The following ECT2L variants were observed in gnomAD, a reference collection of about 807,000 sequenced individuals.
ECT2L encodes epithelial cell-transforming sequence 2 oncogene-like.
In ECT2L, 126 loss-of-function variants were observed where a neutral mutation model predicts 122.8. The observed-to-expected ratio is 1.03, with a 90% CI of 0.89 to 1.19. The LOEUF (loss-of-function observed/expected upper bound fraction) is 1.19. Ranked by LOEUF, ECT2L falls within the 50% of genes most tolerant of loss-of-function variation. ECT2L has a pLI of 0.00. For missense variants in ECT2L, 1,012 were observed against 1,064.1 expected (o/e 0.95, Z 0.68); for synonymous variants, 385 against 381.8 (o/e 1.01, Z -0.10).
intron 20 of ECT2L, among the ~76,000 whole-genome samples, chr6:138,889,592 T>C (rs1279706218): frequency 6.6e-6 from 1 of 152,200 alleles, no homozygotes; most frequent in Non-Finnish European, 1.5e-5. Context: ...AGTGCTGGGA[T>C]TACAGGCATG....
Position 138,881,114 on chromosome 6 carries a change from G to A in ECT2L, c.1823G>A (p.Ser608Asn). Residue 608 changes from serine to asparagine, a missense_variant, in exon 15 of 22, where the codon AGT (serine) becomes AAT (asparagine). By Grantham distance (46) the Ser-to-Asn change is conservative (BLOSUM62 1). Coordinates refer to ENST00000541398, the MANE Select transcript of ECT2L (RefSeq NM_001077706.3). The stretch of plus-strand genomic sequence containing the variant: ...TTGTCATCAAACAGAGCGATTCTGA[G>A]TGCTGCCAATATCCAGATCATTTTC... ...AALSSNRAILSAANIQIIFCD... is the reference protein window; with the variant it reads ...AALSSNRAILNAANIQIIFCD... 1.2e-6 allele frequency: 2 copies of A among 1,614,166 alleles called. No homozygotes were observed. The highest frequency in any genetic ancestry group is 2.2e-5 in the South Asian group (2 of 91,082).
chr6:138,828,002 A>T (rs529898485), intron 4 of ECT2L, among the ~76,000 whole-genome samples: 1 of 152,226 alleles, frequency 6.6e-6, no homozygotes, highest in East Asian at 1.9e-4. Flanking sequence ...TTACATATGT[A>T]TACATGCGCC....
chr6:138,863,301 C>A (rs1011926154), intron 11 of ECT2L, among the ~76,000 whole-genome samples: 11 of 152,184 alleles, frequency 7.2e-5, no homozygotes, highest in Admixed American at 6.5e-5. Context: ...ACCCTTGATT[C>A]CTATCAAGTA....
intron 11 of ECT2L, 64 bp downstream of exon 11, chr6:138,862,783 G>A: frequency 7.2e-7 from 1 of 1,397,728 alleles, no homozygotes; most frequent in Non-Finnish European, 1.0e-6. Flanking sequence ...ATCACCAAAA[G>A]ACAAAATCCA....
At chr6:138,896,059 G>A (rs548889800) in intron 20 of ECT2L, among the ~76,000 whole-genome samples, 6 of 138,664 alleles carry the variant, frequency 4.3e-5, no homozygotes, top group African/African-American at 6.0e-5. Flanking sequence ...CTGTATTATC[G>A]TTTTTTTCAT....
Position 138,843,086 on chromosome 6 carries a change from C to T in ECT2L, c.450C>T (p.Ser150=). 6.2e-7 allele frequency: 1 copy of T among 1,613,812 alleles called. No individual in the cohort carries two copies. The highest frequency in any genetic ancestry group is 8.5e-7 in the Non-Finnish European group (1 of 1,179,866). Residue 150 remains serine (S), a synonymous_variant, in exon 6 of 22, where the codon TCC becomes TCT. Transcript: ENST00000541398. ...AGCGCCATTACATTGCTTGTGTGTC[C>T]CACTTAGACTGGCTGACACCTAGGG... ...AWKRHYIACV[S]HLDWLTPREA...
chr6:138,799,687 C>G (rs1775474344), intron 1 of ECT2L, among the ~76,000 whole-genome samples: 1 of 152,142 alleles, frequency 6.6e-6, no homozygotes, highest in African/African-American at 2.4e-5. Context: ...AGCCTCCCAA[C>G]TAGCTAGGAC....
At chr6:138,882,901 A>G (rs2128407972) in intron 16 of ECT2L, 30 bp downstream of exon 16, 1 of 1,610,252 alleles carries the variant, frequency 6.2e-7, no homozygotes, top group Non-Finnish European at 8.5e-7. Flanking sequence ...ATCATTCTAT[A>G]AGACCTGAGC....
rs60197399 is a variant in ECT2L, at chr6:138,857,895, CA to C, written c.1198+3742del. Among the ~76,000 whole-genome samples, 199 of 152,280 alleles carry C rather than the reference CA, an allele frequency of 1.3e-3. 1 individual carries two copies. The highest frequency in any genetic ancestry group is 4.5e-3 in the African/African-American group (185 of 41,568). ...AAAGGAAACAGGTTTACTTGACTCA[CA>C]GTTCTGCAGGGCCGGGGAAGCAAAC... On this transcript the variant is annotated intron_variant, in intron 10 of 21. Coordinates refer to ENST00000541398, the MANE Select transcript of ECT2L (RefSeq NM_001077706.3).
At chr6:138,822,858 G>T in intron 4 of ECT2L, 3 of 1,613,938 alleles carry the variant, frequency 1.9e-6, no homozygotes, top group South Asian at 1.1e-5. Context: ...AGATGTCAGA[G>T]AATTTGCAAA....
At chr6:138,828,115 C>T (rs1776518418) in intron 4 of ECT2L, among the ~76,000 whole-genome samples, 1 of 152,116 alleles carries the variant, frequency 6.6e-6, no homozygotes, top group Non-Finnish European at 1.5e-5. Context: ...GTGATGTTCC[C>T]CTTCCTGTGT....
At chr6:138,797,278 C>G (rs1775376651) in intron 1 of ECT2L, among the ~76,000 whole-genome samples, 1 of 152,158 alleles carries the variant, frequency 6.6e-6, no homozygotes, top group African/African-American at 2.4e-5. Flanking sequence ...TTTTCTTCTA[C>G]TCCCGTTCTT....
intron 4 of ECT2L, among the ~76,000 whole-genome samples, chr6:138,837,945 G>A (rs1776900063): frequency 6.6e-6 from 1 of 150,800 alleles, no homozygotes; most frequent in African/African-American, 2.4e-5. Flanking sequence ...CTGTTGCCCA[G>A]GCTGGAGTGC....
chr6:138,834,935 A>ACACACACACACACACACTCTCT (rs5880405), intron 4 of ECT2L, among the ~76,000 whole-genome samples: 2 of 142,764 alleles, frequency 1.4e-5, no homozygotes, highest in South Asian at 2.3e-4. Flanking sequence ...ACACACACAC[A>ACACACACACACACACACTCTCT]CTCTCATTCT....
At chr6:138,838,609 C>A in intron 5 of ECT2L, 95 bp downstream of exon 5, 1 of 1,219,498 alleles carries the variant, frequency 8.2e-7, no homozygotes, top group Non-Finnish European at 1.1e-6. Context: ...AAGACAATAG[C>A]TGAGGGTACC....
At chr6:138,855,166 C>A (rs1421742272) in intron 10 of ECT2L, among the ~76,000 whole-genome samples, 11 of 151,672 alleles carry the variant, frequency 7.3e-5, no homozygotes, top group Non-Finnish European at 1.0e-4. Flanking sequence ...CAAAGTTATT[C>A]CAATTATATT....
At chr6:138,868,350 C>A in intron 13 of ECT2L, 144 bp downstream of exon 13, 1 of 622,932 alleles carries the variant, frequency 1.6e-6, no homozygotes, top group Non-Finnish European at 2.7e-6. Context: ...TAAAAATAGC[C>A]ACTAAGAGAT....
intron 13 of ECT2L, among the ~76,000 whole-genome samples, chr6:138,868,845 G>A (rs955020880): frequency 1.3e-5 from 2 of 152,172 alleles, no homozygotes; most frequent in African/African-American, 4.8e-5. Context: ...AGCTCTCCCA[G>A]CCCCAAAGAG....
At chr6:138,813,749 C>T (rs1775979814) in intron 3 of ECT2L, among the ~76,000 whole-genome samples, 1 of 152,154 alleles carries the variant, frequency 6.6e-6, no homozygotes, top group Non-Finnish European at 1.5e-5. Context: ...GGATGCCTCT[C>T]CTATTTTAAG....
Sources: gnomAD v4.1 joint callset for allele counts (sites outside exome capture counted in the v4.1 genomes callset) on GRCh38, gnomAD v4.1.1 for gene constraint, MANE v1.5 for transcripts, NCBI Gene and HGNC (gene_info 2026-07-23, HGNC 2026-07-21) for gene names.